Variants in KCNMA1 observed in about 807,000 individuals in gnomAD.
KCNMA1 encodes the protein Calcium-activated potassium channel subunit alpha-1.
In KCNMA1, 29 loss-of-function variants were observed where a neutral mutation model predicts 140.0. That is an observed-to-expected ratio of 0.21 (90% CI 0.15 to 0.28). The LOEUF (loss-of-function observed/expected upper bound fraction) is 0.28, where lower values mean the gene tolerates loss of function less well. Among genes scored for constraint, KCNMA1 ranks in the 10% least tolerant of loss-of-function variants. The pLI, the probability that KCNMA1 is intolerant of heterozygous loss-of-function variation, is 1.00. For synonymous variants in KCNMA1, 612 were observed against 611.9 expected (o/e 1.00, Z 0.00); for missense variants, 880 against 1,602.2 (o/e 0.55, Z 7.70).
chr10:77,566,553 G>A (rs900281456), intron 1 of KCNMA1, among the ~76,000 whole-genome samples: 1 of 152,162 alleles, frequency 6.6e-6, no homozygotes, highest in Non-Finnish European at 1.5e-5. Flanking sequence ...TCACTGGAGA[G>A]GGAGGAACCT....
At chr10:77,565,048 C>G (rs536439537) in intron 1 of KCNMA1, among the ~76,000 whole-genome samples, 1 of 152,212 alleles carries the variant, frequency 6.6e-6, no homozygotes, top group Non-Finnish European at 1.5e-5. Flanking sequence ...CACTGCCTCT[C>G]GGCCAAATCG....
intron 1 of KCNMA1, among the ~76,000 whole-genome samples, chr10:77,567,207 G>A (rs1471266214): frequency 6.6e-6 from 1 of 152,230 alleles, no homozygotes; most frequent in Non-Finnish European, 1.5e-5. Flanking sequence ...ATTTCCCAAG[G>A]CGGGGGATTA....
At chr10:77,450,308 G>A (rs548077355) in intron 1 of KCNMA1, among the ~76,000 whole-genome samples, 93 of 152,078 alleles carry the variant, frequency 6.1e-4, no homozygotes, top group Admixed American at 1.4e-3. Flanking sequence ...CACCTGCCTC[G>A]GCCTCCCAAA....
chr10:77,319,166 C>A (rs2081648751), intron 2 of KCNMA1, among the ~76,000 whole-genome samples: 1 of 152,112 alleles, frequency 6.6e-6, no homozygotes, highest in Admixed American at 6.5e-5. Flanking sequence ...TTCTCCAGTG[C>A]CTAGGCCCAT....
At position 77,324,971 on chromosome 10, in the gene KCNMA1, C is replaced by CTCTCTCTCTCTG. The variant is rs766240356; in HGVS notation, c.541-73716_541-73715insCAGAGAGAGAGA. Among the ~76,000 whole-genome samples the CTCTCTCTCTCTG allele has an allele frequency of 1.3e-3, 122 of 90,442 alleles. 1 individual carries two copies. Among genetic ancestry groups the CTCTCTCTCTCTG allele is most frequent in the South Asian group, 3.8e-3 (8 of 2,090 alleles). 59.3% of individuals were successfully genotyped at this position (90,442 alleles called of 152,430 possible). ...TCTCTCTCTCTCTCTCTCTCTCTCT[C>CTCTCTCTCTCTG]TGTGTGTGTGTGTGTGTGTGTGTGT... On this transcript the variant is annotated intron_variant, in intron 2 of 27. Transcript: ENST00000286628.
intron 1 of KCNMA1, among the ~76,000 whole-genome samples, chr10:77,448,159 T>C (rs145803211): frequency 6.6e-6 from 1 of 152,170 alleles, no homozygotes; most frequent in Non-Finnish European, 1.5e-5. Flanking sequence ...ACTCAAAAAG[T>C]AGGACAACCT....
chr10:77,594,312 T>C (rs186952686), intron 1 of KCNMA1, among the ~76,000 whole-genome samples: 1 of 152,254 alleles, frequency 6.6e-6, no homozygotes, highest in East Asian at 1.9e-4. Context: ...CACTCTAGGA[T>C]AGAAGAAGCA....
chr10:76,878,854 G>A (rs575954370), intron 29 of KCNMA1, among the ~76,000 whole-genome samples: 3 of 152,256 alleles, frequency 2.0e-5, no homozygotes, highest in South Asian at 2.1e-4. Flanking sequence ...TTGGCCATGT[G>A]TATAGATAGG....
At chr10:77,623,948 A>C (rs1321663239) in intron 1 of KCNMA1, among the ~76,000 whole-genome samples, 1 of 152,342 alleles carries the variant, frequency 6.6e-6, no homozygotes, top group Non-Finnish European at 1.5e-5. Context: ...AATCGATGTT[A>C]TGTAACCTAA....
intron 23 of KCNMA1, among the ~76,000 whole-genome samples, chr10:76,944,396 C>T (rs2063377942): frequency 6.6e-6 from 1 of 152,202 alleles, no homozygotes; most frequent in African/African-American, 2.4e-5. Flanking sequence ...CCCATCCCAG[C>T]TCAATGGCAA....
intron 3 of KCNMA1, 78 bp from the exon 4 acceptor site, chr10:77,184,994 G>C (rs888039771): frequency 1.2e-6 from 1 of 855,040 alleles, no homozygotes. Flanking sequence ...CTGAGAAGTG[G>C]TAGTGCTTAG....
intron 14 of KCNMA1, 109 bp downstream of exon 14, chr10:77,072,988 C>G (rs2096267165): frequency 5.8e-6 from 6 of 1,036,718 alleles, no homozygotes; most frequent in Non-Finnish European, 9.0e-6. Context: ...CTCCTTAACC[C>G]AAGTGGTTAG....
intron 2 of KCNMA1, among the ~76,000 whole-genome samples, chr10:77,301,087 T>A (rs889129565): frequency 6.6e-6 from 1 of 152,184 alleles, no homozygotes; most frequent in South Asian, 2.1e-4. Flanking sequence ...CTGCAGCTAA[T>A]GAGTAGCTGG....
chr10:76,996,228 C>T (rs959142851), intron 19 of KCNMA1, among the ~76,000 whole-genome samples: 1 of 152,212 alleles, frequency 6.6e-6, no homozygotes, highest in Non-Finnish European at 1.5e-5. Flanking sequence ...TTTGCCCAAG[C>T]ATGATTTCTG....
At chr10:77,376,507 C>T (rs1344199776) in intron 2 of KCNMA1, 1 of 152,082 alleles carries the variant, frequency 6.6e-6, no homozygotes, top group Admixed American at 6.6e-5. Context: ...TCCAAAAAGT[C>T]ACCTTGGAAG....
chr10:76,892,195 C>G (rs758589181), intron 25 of KCNMA1, among the ~76,000 whole-genome samples: 1 of 152,156 alleles, frequency 6.6e-6, no homozygotes, highest in Non-Finnish European at 1.5e-5. Context: ...TAATGCCACA[C>G]GCTTAACGAT....
intron 5 of KCNMA1, among the ~76,000 whole-genome samples, chr10:77,174,257 C>A (rs2098734019): frequency 6.6e-6 from 1 of 152,284 alleles, no homozygotes; most frequent in African/African-American, 2.4e-5. Flanking sequence ...ATTTCTCTAG[C>A]ATTTCTTCAG....
intron 2 of KCNMA1, chr10:77,315,496 G>T (rs2080606237): frequency 6.6e-6 from 1 of 152,152 alleles, no homozygotes; most frequent in South Asian, 2.1e-4. Context: ...AAAGTCAGAA[G>T]CAAAGTTAGA....
chr10:77,623,266 T>C (rs57113301), intron 1 of KCNMA1, among the ~76,000 whole-genome samples: 2,054 of 152,324 alleles, frequency 0.013, 41 homozygotes, highest in African/African-American at 0.046. Flanking sequence ...AGCACTTGCA[T>C]TGCCTGTCAC....
Sources: allele counts gnomAD v4.1 joint callset (sites outside exome capture counted in the v4.1 genomes callset), GRCh38; gene constraint gnomAD v4.1.1; transcripts MANE v1.5; gene names NCBI Gene and HGNC (gene_info 2026-07-23, HGNC 2026-07-21).